Variants in BCAT1 observed in about 807,000 individuals in gnomAD.
The protein encoded by BCAT1 is branched chain amino acid transaminase 1.
BCAT1 carries 48 observed loss-of-function variants against 52.4 expected under a neutral mutation model. The observed-to-expected ratio is 0.92, with a 90% confidence interval of 0.73 to 1.16. BCAT1 has a LOEUF of 1.16. Ranked by LOEUF, BCAT1 falls within the 50% of genes most tolerant of loss-of-function variation. The pLI is 0.00. For synonymous variants in BCAT1, 167 were observed against 161.3 expected (o/e 1.04, Z -0.27); for missense variants, 451 against 457.1 (o/e 0.99, Z 0.12).
intron 6 of BCAT1, among the ~76,000 whole-genome samples, chr12:24,845,518 C>T (rs773648183): frequency 6.6e-6 from 1 of 152,186 alleles, no homozygotes. Flanking sequence ...CAGGGGACGT[C>T]TGGTAGAAAG....
At chr12:24,844,757 C>T (rs917158573) in intron 6 of BCAT1, among the ~76,000 whole-genome samples, 5 of 149,630 alleles carry the variant, frequency 3.3e-5, no homozygotes, top group African/African-American at 9.9e-5. Context: ...ATTATCCGGG[C>T]GTGGTGGCTG....
At chr12:24,834,836 T>C (rs1335956894) in intron 8 of BCAT1, 4 of 1,082,370 alleles carry the variant, frequency 3.7e-6, no homozygotes, top group South Asian at 2.1e-5. Context: ...GAAAACTCTT[T>C]TGTAAATAAG....
intron 1 of BCAT1, among the ~76,000 whole-genome samples, chr12:24,912,350 C>CA (rs1161847044): frequency 1.3e-5 from 2 of 151,598 alleles, no homozygotes; most frequent in Non-Finnish European, 2.9e-5. Flanking sequence ...CCGTCTCTAC[C>CA]AAAAAAGAAA....
chr12:24,876,971 C>T (rs1163767287), intron 5 of BCAT1, among the ~76,000 whole-genome samples: 3 of 151,940 alleles, frequency 2.0e-5, no homozygotes, highest in Non-Finnish European at 4.4e-5. Flanking sequence ...AAAAAAAATT[C>T]AATTATCTTA....
chr12:24,889,256 C>T (rs1382693609), intron 3 of BCAT1, among the ~76,000 whole-genome samples: 1 of 152,304 alleles, frequency 6.6e-6, no homozygotes, highest in Admixed American at 6.5e-5. Flanking sequence ...AAATGACGAA[C>T]CCCAAGGTAT....
intron 5 of BCAT1, among the ~76,000 whole-genome samples, chr12:24,870,894 A>G (rs1329073006): frequency 6.6e-6 from 1 of 152,042 alleles, no homozygotes; most frequent in African/African-American, 2.4e-5. Flanking sequence ...GTAGTGGTGC[A>G]CGCCTGTAGT....
intron 1 of BCAT1, among the ~76,000 whole-genome samples, chr12:24,927,954 T>C (rs1287917510): frequency 6.6e-6 from 1 of 152,184 alleles, no homozygotes; most frequent in Non-Finnish European, 1.5e-5. Flanking sequence ...ATTAGGAAAA[T>C]CTTGCTGCAA....
Position 24,812,943 on chromosome 12 carries a change from T to A in BCAT1, c.*5065A>T, listed in dbSNP as rs1447625069. The A allele has an allele frequency of 6.6e-6, 1 of 152,004 alleles. No individual in the cohort carries two copies. Among genetic ancestry groups the A allele is most frequent in the African/African-American group, 2.4e-5 (1 of 41,440 alleles). 9.4% of individuals were successfully genotyped at this position (152,004 alleles called of 1,614,324 possible). ...AACTCAAGTTATACGTCTTGTTGAT[T>A]GGGTCTATTGTAGAATGAAAAATAC... On this transcript the variant is annotated 3_prime_UTR_variant, in exon 11 of 11. Coordinates refer to ENST00000261192, the MANE Select transcript of BCAT1 (RefSeq NM_005504.7).
intron 7 of BCAT1, among the ~76,000 whole-genome samples, chr12:24,837,401 T>C (rs912787098): frequency 1.2e-4 from 18 of 151,596 alleles, no homozygotes; most frequent in Admixed American, 7.9e-4. Context: ...CTACTCAGGC[T>C]GGTCACTGCT....
chr12:24,881,318 C>T lies in BCAT1; in HGVS notation c.373G>A (p.Val125Met). 1 of 1,611,494 alleles carries T rather than the reference C, an allele frequency of 6.2e-7. No homozygotes were observed. Among genetic ancestry groups the T allele is most frequent in the Non-Finnish European group, 8.5e-7 (1 of 1,177,704 alleles). Residue 125 changes from valine (V) to methionine (M), a missense_variant, in exon 4 of 11, where the codon GTG becomes ATG. Val to Met is a conservative substitution (Grantham distance 21, BLOSUM62 1). Coordinates refer to ENST00000261192, the MANE Select transcript of BCAT1 (RefSeq NM_005504.7). The part of the protein sequence containing the change: ...LNMDRMYRSA[V>M]RATLPVFDKE... ...TTACATACCGGCAGAGTTGCCCTCACAGCAGAGCGATACATTCTATCCATG... is the reference window on the plus strand; with the variant it reads ...TTACATACCGGCAGAGTTGCCCTCATAGCAGAGCGATACATTCTATCCATG...
intron 1 of BCAT1, among the ~76,000 whole-genome samples, chr12:24,927,063 A>C (rs1210616751): frequency 6.6e-6 from 1 of 152,244 alleles, no homozygotes; most frequent in East Asian, 1.9e-4. Flanking sequence ...CAGTTCAACT[A>C]TAAGTTATAA....
rs1486175129 is a variant in BCAT1 at position 24,822,516 on chromosome 12, C to T, written c.1120-4467G>A. Among the ~76,000 whole-genome samples, 8 of 152,322 alleles carry T rather than the reference C, an allele frequency of 5.3e-5. No individual in the cohort carries two copies. The East Asian group carries it at 1.3e-3, about 26-fold the overall frequency. On this transcript the variant is annotated intron_variant, in intron 10 of 10. Coordinates refer to ENST00000261192, the MANE Select transcript of BCAT1 (RefSeq NM_005504.7). Reference sequence around the variant, plus strand: ...ATGTAAAACATGATGCAATTCTATGCTTTTTCCTTAATAATTACTGAAATT... The same window carrying T: ...ATGTAAAACATGATGCAATTCTATGTTTTTTCCTTAATAATTACTGAAATT...
chr12:24,848,689 A>C (rs1941414952), intron 6 of BCAT1, among the ~76,000 whole-genome samples: 1 of 152,190 alleles, frequency 6.6e-6, no homozygotes, highest in South Asian at 2.1e-4. Flanking sequence ...TGAACCAGTA[A>C]AAAAAGAAAT....
intron 1 of BCAT1, among the ~76,000 whole-genome samples, chr12:24,915,561 G>A (rs993563922): frequency 6.6e-6 from 1 of 151,972 alleles, no homozygotes; most frequent in African/African-American, 2.4e-5. Flanking sequence ...TTTCAATTAA[G>A]TTACACTTTT....
intron 1 of BCAT1, among the ~76,000 whole-genome samples, chr12:24,926,679 A>G (rs1943593594): frequency 6.6e-6 from 1 of 152,156 alleles, no homozygotes; most frequent in Non-Finnish European, 1.5e-5. Context: ...TGCTCTCTGA[A>G]ACATGTGCTG....
At chr12:24,935,250 C>T (rs752330353) in intron 1 of BCAT1, among the ~76,000 whole-genome samples, 20 of 152,108 alleles carry the variant, frequency 1.3e-4, no homozygotes, top group East Asian at 5.8e-4. Context: ...GAATCCAGCA[C>T]GCAAAATGCA....
Position 24,855,961 on chromosome 12 carries a change from C to T in BCAT1, c.511-6012G>A, listed in dbSNP as rs1941667974. Among the ~76,000 whole-genome samples the T allele has an allele frequency of 1.3e-5, 2 of 152,094 alleles. 1 individual carries two copies. Among genetic ancestry groups the T allele is most frequent in the South Asian group, 4.1e-4 (2 of 4,822 alleles). ...CCATCTTTAGACAAATATCCCCTTC[C>T]TTAAACAATGTGCAAATCAGAAAAT... On this transcript the variant is annotated intron_variant, in intron 5 of 10. Coordinates refer to ENST00000261192, the MANE Select transcript of BCAT1 (RefSeq NM_005504.7).
chr12:24,860,773 C>G (rs1403603530), intron 5 of BCAT1, among the ~76,000 whole-genome samples: 1 of 152,154 alleles, frequency 6.6e-6, no homozygotes, highest in Non-Finnish European at 1.5e-5. Flanking sequence ...TAAAGAATGT[C>G]ACTTTCTGAC....
chr12:24,926,686 GC>G (rs754132274), intron 1 of BCAT1, among the ~76,000 whole-genome samples: 20 of 152,276 alleles, frequency 1.3e-4, no homozygotes, highest in Non-Finnish European at 2.8e-4. Context: ...TGAAACATGT[GC>G]TGTGTCCACT....
Sources: allele counts gnomAD v4.1 joint callset (sites outside exome capture counted in the v4.1 genomes callset), GRCh38; gene constraint gnomAD v4.1.1; transcripts MANE v1.5; gene names NCBI Gene and HGNC (gene_info 2026-07-23, HGNC 2026-07-21).